The following TLDC2 variants were observed in gnomAD, a reference collection of about 807,000 sequenced individuals.
TLDC2 encodes TBC/LysM-associated domain containing 2, also known as TLD domain-containing protein 2.
In TLDC2, 23 loss-of-function variants were observed where a neutral mutation model predicts 27.9. That is an observed-to-expected ratio of 0.82 (90% CI 0.59 to 1.17). The LOEUF (loss-of-function observed/expected upper bound fraction) is 1.17. Among genes scored for constraint, TLDC2 ranks in the 50% most tolerant of loss-of-function variants. The pLI is 0.00. For synonymous variants in TLDC2, 124 were observed against 107.4 expected (o/e 1.16, Z -0.96); for missense variants, 286 against 273.4 (o/e 1.05, Z -0.32).
rs1474594830 is a variant in TLDC2 at position 36,878,071 on chromosome 20, T to C, written c.189+17T>C. On this transcript the variant is annotated intron_variant, in intron 2 of 6. Coordinates refer to ENST00000217320, the MANE Select transcript of TLDC2 (RefSeq NM_080628.3). ...ATTCGGCAGGTCTGGGCATTGCCCA[T>C]GGCACAAGAATTTCAGCCCTAAACC... The C allele has an allele frequency of 2.5e-6, 4 of 1,604,464 alleles. No individual in the cohort carries two copies. The highest frequency in any genetic ancestry group is 8.5e-7 in the Non-Finnish European group (1 of 1,175,514).
At chr20:36,886,915 A>C (rs1342831866) in intron 4 of TLDC2, among the ~76,000 whole-genome samples, 1 of 152,154 alleles carries the variant, frequency 6.6e-6, no homozygotes, top group Non-Finnish European at 1.5e-5. Context: ...TGGACGTAGA[A>C]CAGATCACGC....
In TLDC2 at chr20:36,893,938, G is replaced by A. The variant is rs900319382; in HGVS notation, c.*1094G>A. On this transcript the variant is annotated 3_prime_UTR_variant, in exon 7 of 7. Transcript: ENST00000217320. ...GAGGCTCTGGTGGGAGACTGGAGGT[G>A]AGAAGAGGGCAGAGAAGTCAGGTTT... The A allele has an allele frequency of 7.5e-6, 3 of 398,534 alleles. No individual in the cohort carries two copies. The highest frequency in any genetic ancestry group is 2.1e-5 in the African/African-American group (1 of 48,634). 24.7% of individuals were successfully genotyped at this position (398,534 alleles called of 1,614,324 possible).
At chr20:36,878,965 T>C (rs1469589385) in intron 2 of TLDC2, 76 bp from the exon 3 acceptor site, 2 of 1,609,310 alleles carry the variant, frequency 1.2e-6, no homozygotes, top group Non-Finnish European at 1.7e-6. Context: ...GCATGCTAGC[T>C]GTCCAAGCCC....
At chr20:36,888,572 G>A (rs1411034271) in intron 5 of TLDC2, among the ~76,000 whole-genome samples, 1 of 150,870 alleles carries the variant, frequency 6.6e-6, no homozygotes, top group Non-Finnish European at 1.5e-5. Flanking sequence ...CAGGCGTGGT[G>A]GTGGGCACCC....
chr20:36,876,194 G>A lies in TLDC2; in HGVS notation c.20G>A (p.Arg7His), dbSNP rs201439266. MRGLRW[R>H]YTRLPSQVED... ...AGGAGAATGAGAGGCCTCCGCTGGCGTTACACTCGGCTGGTAAGGGTTCCA... is the reference window on the plus strand; with the variant it reads ...AGGAGAATGAGAGGCCTCCGCTGGCATTACACTCGGCTGGTAAGGGTTCCA... The change falls in exon 1 of 7, where the codon CGT becomes CAT. Residue 7 changes from arginine (R) to histidine (H), a missense_variant. Arg to His is a conservative substitution (Grantham distance 29, BLOSUM62 0). Coordinates refer to ENST00000217320, the MANE Select transcript of TLDC2 (RefSeq NM_080628.3). 158 of 1,614,160 alleles carry A rather than the reference G, an allele frequency of 9.8e-5. 1 individual carries two copies. The highest frequency in any genetic ancestry group is 6.7e-4 in the South Asian group (61 of 91,080).
intron 1 of TLDC2, 102 bp from the exon 2 acceptor site, chr20:36,877,797 A>G: frequency 7.5e-7 from 1 of 1,340,114 alleles, no homozygotes; most frequent in Non-Finnish European, 1.0e-6. Context: ...GCACATGGGC[A>G]GGGAGTGATG....
In TLDC2 at chr20:36,878,025, C is replaced by G; in HGVS notation, c.160C>G (p.Gln54Glu). ...GGTGCCCCAGCTGACAGAAGCCAGC[C>G]AGGTTTTGAGTGCCTCAGAGATTCG... ...PTVPQLTEAS[Q>E]VLSASEIRQL... is the part of the protein sequence containing the mutation. Residue 54 changes from glutamine (Q) to glutamate (E), a missense_variant, in exon 2 of 7, where the codon CAG (glutamine) becomes GAG (glutamate). Gln to Glu is a conservative substitution (Grantham distance 29). Transcript: ENST00000217320. The G allele has an allele frequency of 6.2e-7, 1 of 1,613,922 alleles. No individual in the cohort carries two copies. Among genetic ancestry groups the G allele is most frequent in the Non-Finnish European group, 8.5e-7 (1 of 1,179,892 alleles).
chr20:36,878,328 C>T (rs186740387), intron 2 of TLDC2, among the ~76,000 whole-genome samples: 1 of 151,786 alleles, frequency 6.6e-6, no homozygotes, highest in Non-Finnish European at 1.5e-5. Flanking sequence ...CGCCTGTAAT[C>T]CCAGCACTTT....
chr20:36,891,966 TGA>T (rs1016268035), intron 6 of TLDC2: 3 of 152,356 alleles, frequency 2.0e-5, no homozygotes, highest in Non-Finnish European at 4.4e-5. Flanking sequence ...TCCAGGATAC[TGA>T]GAGAGCAGGT....
In TLDC2 at chr20:36,893,095, A is replaced by G; in HGVS notation, c.*251A>G. The stretch of plus-strand genomic sequence containing the variant: ...TTAGGAAGAGAGAGAAAAACAGGCA[A>G]TAGAGAAAAGCCAGTTTCCATCATC... On this transcript the variant is annotated 3_prime_UTR_variant, in exon 7 of 7. Coordinates refer to ENST00000217320, the MANE Select transcript of TLDC2 (RefSeq NM_080628.3). 6.2e-7 allele frequency: 1 copy of G among 1,610,110 alleles called. No homozygotes were observed.
chr20:36,877,930 A>G lies in TLDC2; in HGVS notation c.65A>G (p.Glu22Gly). 6.2e-7 allele frequency: 1 copy of G among 1,613,774 alleles called. No individual in the cohort carries two copies. Among genetic ancestry groups the G allele is most frequent in the Non-Finnish European group, 8.5e-7 (1 of 1,179,894 alleles). ...CAGGTGGAGGACACCCTGTCTGGGG[A>G]GGAGGGTAACGAAGAGGAAGAGGAG... ...PSQVEDTLSG[E>G]EGNEEEEEEE... The change falls in exon 2 of 7, where the codon GAG becomes GGG. Residue 22 changes from glutamate to glycine, a missense_variant. By Grantham distance (98) the Glu-to-Gly change is moderately conservative. Coordinates refer to ENST00000217320, the MANE Select transcript of TLDC2 (RefSeq NM_080628.3).
intron 4 of TLDC2, among the ~76,000 whole-genome samples, chr20:36,887,103 T>G (rs945984687): frequency 8.6e-5 from 13 of 151,994 alleles, no homozygotes; most frequent in Non-Finnish European, 1.3e-4. Context: ...CGGGCTGGTG[T>G]TGTCCGGGTG....
At chr20:36,885,255 T>C (rs186526180) in intron 4 of TLDC2, among the ~76,000 whole-genome samples, 140 of 152,278 alleles carry the variant, frequency 9.2e-4, no homozygotes, top group African/African-American at 3.2e-3. Context: ...TTGTCTATTG[T>C]ATTCAGCAGT....
chr20:36,881,204 C>A (rs1989807410), intron 4 of TLDC2, among the ~76,000 whole-genome samples: 3 of 151,908 alleles, frequency 2.0e-5, no homozygotes, highest in South Asian at 4.2e-4. Flanking sequence ...CATAGTGAGA[C>A]CCCCATCTCT....
At position 36,879,737 on chromosome 20, in the gene TLDC2, T is replaced by A. The variant is rs554588938; in HGVS notation, c.342+544T>A. ...CAAAAAAATTAGCCAGGTGTGGTGG[T>A]GTATGCCTATAGTCCCAGCAACTGG... On this transcript the variant is annotated intron_variant, in intron 3 of 6. Coordinates refer to ENST00000217320, the MANE Select transcript of TLDC2 (RefSeq NM_080628.3). 1.7e-3 allele frequency among the ~76,000 whole-genome samples: 253 copies of A among 151,560 alleles called. 1 individual carries two copies. The highest frequency in any genetic ancestry group is 6.8e-3 in the Middle Eastern group (2 of 294).
rs760164325 is a variant in TLDC2, at chr20:36,879,070, C to T, written c.219C>T (p.Thr73=). ...QLSFHFPPRV[T]GHPWSLVFCT... ...GCTTTCACTTCCCACCAAGAGTCAC[C>T]GGCCATCCCTGGAGTCTGGTCTTCT... Residue 73 remains threonine, a synonymous_variant, in exon 3 of 7, where the codon ACC becomes ACT. Transcript: ENST00000217320. 2.1e-5 allele frequency: 34 copies of T among 1,614,088 alleles called. No homozygotes were observed. The highest frequency in any genetic ancestry group is 2.0e-4 in the East Asian group (9 of 44,900).
At position 36,890,418 on chromosome 20, in the gene TLDC2, C is replaced by CTTTCTTTCTTTCTTTCTTTCTTTCTTTCT. The variant is rs1555830170; in HGVS notation, c.*17+1018_*17+1019insCTTTCTTTCTTTCTTTCTTTCTTTCTTTT. Reference sequence around the variant, plus strand: ...TTTCTCTTTCTTTCTTTCTTTCTTTCTTTTCTTTCTCTCTTTCCTTCCTTC... The same window carrying CTTTCTTTCTTTCTTTCTTTCTTTCTTTCT: ...TTTCTCTTTCTTTCTTTCTTTCTTTCTTTCTTTCTTTCTTTCTTTCTTTCTTTCTTTTTCTTTCTCTCTTTCCTTCCTTC... On this transcript the variant is annotated intron_variant, in intron 6 of 6. Transcript: ENST00000217320. 1.5e-3 allele frequency: 26 copies of CTTTCTTTCTTTCTTTCTTTCTTTCTTTCT among 17,798 alleles called. No individual in the cohort carries two copies. In the East Asian group the frequency reaches 0.049, roughly 34 times the overall value. The allele number at this position is 17,798 out of a possible 1,614,324, so 1.1% of individuals were successfully genotyped here. A position where few individuals can be genotyped will look rare whatever the true frequency, so the allele number is the denominator to read the frequency against.
intron 4 of TLDC2, among the ~76,000 whole-genome samples, chr20:36,882,608 G>A (rs1412147376): frequency 6.6e-6 from 1 of 152,170 alleles, no homozygotes; most frequent in Non-Finnish European, 1.5e-5. Flanking sequence ...CCAATGCACA[G>A]ACTAAGATTC....
At chr20:36,890,396 C>CCCTTTCTTTTTCTTTCTTTCTT (rs143176006) in intron 6 of TLDC2, 2 of 142,450 alleles carry the variant, frequency 1.4e-5, no homozygotes, top group Non-Finnish European at 3.1e-5. Flanking sequence ...ATATTTCTTT[C>CCCTTTCTTTTTCTTTCTTTCTT]TCTTTCTTTC....
Sources: gnomAD v4.1 joint callset for allele counts (sites outside exome capture counted in the v4.1 genomes callset) on GRCh38, gnomAD v4.1.1 for gene constraint, MANE v1.5 for transcripts, NCBI Gene and HGNC (gene_info 2026-07-23, HGNC 2026-07-21) for gene names.